NELL2: variants seen among roughly 807,000 people sequenced by gnomAD.
NELL2 encodes neural EGFL like 2, also known as protein kinase C-binding protein NELL2.
Under a neutral mutation model 109.6 loss-of-function variants are expected in NELL2, and 41 were observed. The ratio of observed to expected loss-of-function variants is 0.37; its 90% CI spans 0.29 to 0.49. NELL2 has a LOEUF of 0.49. NELL2 is among the 20% of genes least tolerant of loss of function. The pLI is 0.98. For missense variants in NELL2, 900 were observed against 1,008.3 expected (o/e 0.89, Z 1.45); for synonymous variants, 355 against 344.7 (o/e 1.03, Z -0.33).
chr12:44,657,804 G>A (rs1947569640), intron 13 of NELL2, among the ~76,000 whole-genome samples: 1 of 152,178 alleles, frequency 6.6e-6, no homozygotes, highest in Admixed American at 6.5e-5. Context: ...GCAAAGGACA[G>A]GAACTCATCC....
At chr12:44,765,864 C>T (rs995260180) in intron 9 of NELL2, among the ~76,000 whole-genome samples, 3 of 152,282 alleles carry the variant, frequency 2.0e-5, no homozygotes, top group Admixed American at 2.0e-4. Context: ...GTGGCTCACG[C>T]CTGTAATCTG....
intron 11 of NELL2, among the ~76,000 whole-genome samples, chr12:44,705,119 T>A (rs192275962): frequency 7.2e-5 from 11 of 151,876 alleles, no homozygotes; most frequent in Admixed American, 5.3e-4. Context: ...GAAAATCATA[T>A]AGATGGAAGT....
At position 44,731,374 on chromosome 12, in the gene NELL2, C is replaced by T. The variant is rs142438253; in HGVS notation, c.995-16633G>A. 3.0e-4 allele frequency among the ~76,000 whole-genome samples: 45 copies of T among 151,900 alleles called. No individual in the cohort carries two copies. The East Asian group carries it at 6.0e-3, about 20-fold the overall frequency. ...AATACTAGCAAACTCAATTCAACAG[C>T]GCAGTAGAAGGATTATACACCATGA... On this transcript the variant is annotated intron_variant, in intron 9 of 19. Transcript: ENST00000429094.
chr12:44,848,014 G>C (rs913037580), intron 2 of NELL2, among the ~76,000 whole-genome samples: 3 of 139,942 alleles, frequency 2.1e-5, no homozygotes, highest in African/African-American at 8.1e-5. Context: ...CTGGGCGACA[G>C]AGTGAAACTC....
intron 15 of NELL2, among the ~76,000 whole-genome samples, chr12:44,543,745 C>T (rs955659999): frequency 6.6e-6 from 1 of 152,132 alleles, no homozygotes; most frequent in African/African-American, 2.4e-5. Flanking sequence ...ATTCTAAGAG[C>T]TCTGGTTTCT....
chr12:44,816,960 T>G (rs1445224459), intron 2 of NELL2, among the ~76,000 whole-genome samples: 2 of 152,242 alleles, frequency 1.3e-5, no homozygotes, highest in Non-Finnish European at 2.9e-5. Flanking sequence ...GGCTCTCCTA[T>G]TCACAGTGTA....
intron 13 of NELL2, among the ~76,000 whole-genome samples, chr12:44,611,627 C>T (rs925044916): frequency 1.3e-5 from 2 of 152,044 alleles, no homozygotes; most frequent in African/African-American, 4.8e-5. Context: ...CTGCTTATAA[C>T]TTGAAACTCT....
chr12:44,776,984 G>A, intron 7 of NELL2, 58 bp downstream of exon 7: 2 of 1,404,040 alleles, frequency 1.4e-6, no homozygotes, highest in East Asian at 2.3e-5. Context: ...ATAAATGGAA[G>A]TATTGGGAAC....
At chr12:44,777,209 G>A in intron 6 of NELL2, 33 bp downstream of exon 6, 1 of 1,607,488 alleles carries the variant, frequency 6.2e-7, no homozygotes, top group Non-Finnish European at 8.5e-7. Flanking sequence ...GTAATATATG[G>A]GGACTCCACA....
chr12:44,631,247 A>G (rs1946447431), intron 13 of NELL2, among the ~76,000 whole-genome samples: 1 of 147,882 alleles, frequency 6.8e-6, no homozygotes, highest in Non-Finnish European at 1.5e-5. Flanking sequence ...TAATATATAT[A>G]AATATATATA....
chr12:44,757,802 G>T (rs1940952540), intron 9 of NELL2, among the ~76,000 whole-genome samples: 1 of 151,978 alleles, frequency 6.6e-6, no homozygotes, highest in Non-Finnish European at 1.5e-5. Flanking sequence ...GGAAACAAAT[G>T]AACAGTAAAT....
intron 1 of NELL2, among the ~76,000 whole-genome samples, chr12:44,906,970 G>C (rs758783342): frequency 6.6e-6 from 1 of 152,094 alleles, no homozygotes; most frequent in Non-Finnish European, 1.5e-5. Context: ...TCCTGGGAGG[G>C]ACCCGGTGGG....
Position 44,622,355 on chromosome 12 carries a change from C to G in NELL2, c.1445-11385G>C, listed in dbSNP as rs117980756. On this transcript the variant is annotated intron_variant, in intron 13 of 19. Transcript: ENST00000429094. ...TTTGGCAAGAGGCATGATTTTCCATCCATTGACATTTATTTCAAAGAAAGA... is the reference window on the plus strand; with the variant it reads ...TTTGGCAAGAGGCATGATTTTCCATGCATTGACATTTATTTCAAAGAAAGA... 9.7e-3 allele frequency among the ~76,000 whole-genome samples: 1,476 copies of G among 152,218 alleles called. 11 individuals are homozygous for G. Among genetic ancestry groups the G allele is most frequent in the Non-Finnish European group, 0.014 (944 of 68,016 alleles).
chr12:44,644,999 T>C (rs1947039517), intron 13 of NELL2, among the ~76,000 whole-genome samples: 1 of 151,952 alleles, frequency 6.6e-6, no homozygotes, highest in Non-Finnish European at 1.5e-5. Flanking sequence ...AGGTAATTTT[T>C]AGGTTAAAAT....
intron 15 of NELL2, among the ~76,000 whole-genome samples, chr12:44,580,609 A>T (rs756348428): frequency 5.1e-4 from 77 of 152,278 alleles, no homozygotes; most frequent in Non-Finnish European, 9.7e-4. Flanking sequence ...GCTACTCGGG[A>T]GGCTGAGGCA....
At chr12:44,918,851 T>G (rs1945848357), upstream of NELL2, among the ~76,000 whole-genome samples, 1 of 152,150 alleles carries the variant, frequency 6.6e-6, no homozygotes, top group African/African-American at 2.4e-5. Context: ...CAGCCATTGC[T>G]TCCCTCTCCC....
At chr12:44,743,896 C>G (rs907317021) in intron 9 of NELL2, among the ~76,000 whole-genome samples, 3 of 151,666 alleles carry the variant, frequency 2.0e-5, no homozygotes, top group African/African-American at 7.3e-5. Flanking sequence ...ATCAATGAGA[C>G]AGAAAGTTAA....
chr12:44,571,804 T>C (rs570991881), intron 15 of NELL2, among the ~76,000 whole-genome samples: 19 of 152,360 alleles, frequency 1.2e-4, no homozygotes, highest in African/African-American at 4.3e-4. Flanking sequence ...AATTTGACTA[T>C]AGAACTTCAT....
At chr12:44,608,578 T>C (rs914411944) in intron 14 of NELL2, among the ~76,000 whole-genome samples, 1 of 152,048 alleles carries the variant, frequency 6.6e-6, no homozygotes, top group Non-Finnish European at 1.5e-5. Flanking sequence ...AAGGAATTTA[T>C]AGATCCTTGA....
Sources: allele counts gnomAD v4.1 joint callset (sites outside exome capture counted in the v4.1 genomes callset), GRCh38; gene constraint gnomAD v4.1.1; transcripts MANE v1.5; gene names NCBI Gene and HGNC (gene_info 2026-07-23, HGNC 2026-07-21).